Variants in SATB2 observed in about 807,000 individuals in gnomAD.
SATB2 encodes the protein DNA-binding protein SATB2.
Under a neutral mutation model 73.4 loss-of-function variants are expected in SATB2, and 1 was observed. The observed-to-expected ratio is 0.01, with a 90% CI of 0.00 to 0.06. SATB2 has a LOEUF of 0.06. Ranked by LOEUF, SATB2 falls within the 10% of genes least tolerant of loss-of-function variation. SATB2 has a pLI of 1.00. For missense variants in SATB2, 459 were observed against 945.8 expected (o/e 0.49, Z 6.75); for synonymous variants, 397 against 367.0 (o/e 1.08, Z -0.93).
intron 10 of SATB2, among the ~76,000 whole-genome samples, chr2:199,295,554 A>C (rs1446637): frequency 0.13 from 20,100 of 152,152 alleles, 1,534 homozygotes; most frequent in South Asian, 0.32. Flanking sequence ...TGGCTTCTGC[A>C]AGCCAGAGTA....
chr2:199,416,368 G>A (rs79670270), intron 3 of SATB2, among the ~76,000 whole-genome samples: 6,511 of 152,144 alleles, frequency 0.043, 193 homozygotes, highest in Middle Eastern at 0.095. Flanking sequence ...ATTTACCTTC[G>A]TAATTACACT....
At chr2:199,431,620 A>G (rs1359075785) in intron 3 of SATB2, among the ~76,000 whole-genome samples, 1 of 152,160 alleles carries the variant, frequency 6.6e-6, no homozygotes, top group East Asian at 1.9e-4. Flanking sequence ...GATGACATTT[A>G]TTTGCTCATA....
intron 10 of SATB2, among the ~76,000 whole-genome samples, chr2:199,306,701 C>T (rs1324876998): frequency 6.6e-6 from 1 of 151,976 alleles, no homozygotes; most frequent in East Asian, 1.9e-4. Flanking sequence ...CTCAAACTGG[C>T]CAACTATAAG....
intron 5 of SATB2, among the ~76,000 whole-genome samples, chr2:199,376,925 T>C (rs1490060718): frequency 3.3e-5 from 5 of 152,124 alleles, no homozygotes; most frequent in Non-Finnish European, 5.9e-5. Context: ...AGCAAGCAAG[T>C]GTCAAACTGA....
At chr2:199,342,420 A>G (rs1353816593) in intron 7 of SATB2, among the ~76,000 whole-genome samples, 2 of 149,320 alleles carry the variant, frequency 1.3e-5, no homozygotes, top group Admixed American at 6.7e-5. Context: ...CTTTCAAAAG[A>G]CTAGCTAAAA....
At position 199,348,789 on chromosome 2, in the gene SATB2, G is replaced by A; in HGVS notation, c.1085C>T (p.Pro362Leu). The change falls in exon 7 of 11, where the codon CCA becomes CTA. Residue 362 changes from proline (P) to leucine (L), a missense_variant. Pro to Leu is a moderately conservative substitution (Grantham distance 98). Coordinates refer to ENST00000417098, the MANE Select transcript of SATB2 (RefSeq NM_001172509.2). The part of the protein sequence containing the change: ...EPTNSSVEVS[P>L]DIYQQVRDEL... ...ATCTCTGACTTGCTGGTAGATATCT[G>A]GAGAGACTTCCACGGAAGAGTTGGT... 1.2e-6 allele frequency: 2 copies of A among 1,610,854 alleles called. No individual in the cohort carries two copies. Among genetic ancestry groups the A allele is most frequent in the Non-Finnish European group, 1.7e-6 (2 of 1,177,550 alleles).
At chr2:199,437,941 C>A (rs1437742660) in intron 2 of SATB2, among the ~76,000 whole-genome samples, 2 of 152,078 alleles carry the variant, frequency 1.3e-5, no homozygotes, top group East Asian at 3.9e-4. Context: ...GTTTAACATG[C>A]CCCATGGCAA....
chr2:199,428,458 C>A (rs1260049126), intron 3 of SATB2, among the ~76,000 whole-genome samples: 1 of 152,162 alleles, frequency 6.6e-6, no homozygotes, highest in African/African-American at 2.4e-5. Flanking sequence ...CAAGTGCTGG[C>A]AATCAAACTG....
At chr2:199,281,233 C>CA (rs1197027648) in intron 10 of SATB2, among the ~76,000 whole-genome samples, 1,889 of 119,752 alleles carry the variant, frequency 0.016, 23 homozygotes, top group African/African-American at 0.051. Context: ...GACCCTGTCT[C>CA]AAAAAAAAAA....
chr2:199,393,905 C>A (rs1324671090), intron 3 of SATB2, among the ~76,000 whole-genome samples: 1 of 152,110 alleles, frequency 6.6e-6, no homozygotes, highest in Non-Finnish European at 1.5e-5. Flanking sequence ...AAATATGGCT[C>A]AATCAGGTTT....
chr2:199,343,590 T>C (rs1379189703), intron 7 of SATB2, among the ~76,000 whole-genome samples: 5 of 152,242 alleles, frequency 3.3e-5, no homozygotes, highest in Non-Finnish European at 5.9e-5. Flanking sequence ...ATCTGCCTGC[T>C]GACCTCCTGC....
At chr2:199,277,030 T>A (rs79493822) in intron 10 of SATB2, among the ~76,000 whole-genome samples, 2,791 of 152,264 alleles carry the variant, frequency 0.018, 93 homozygotes, top group African/African-American at 0.064. Context: ...ACAGACTTAC[T>A]GTCGAGTGAA....
At chr2:199,298,272 T>G (rs1687176862) in intron 10 of SATB2, among the ~76,000 whole-genome samples, 1 of 152,184 alleles carries the variant, frequency 6.6e-6, no homozygotes, top group South Asian at 2.1e-4. Context: ...TTAAGCAGCC[T>G]CTACAACGTC....
intron 7 of SATB2, among the ~76,000 whole-genome samples, chr2:199,331,270 T>A (rs1488748649): frequency 6.6e-6 from 1 of 151,804 alleles, no homozygotes; most frequent in Non-Finnish European, 1.5e-5. Flanking sequence ...ATTTTTTACA[T>A]ACTGGAAAAC....
intron 7 of SATB2, among the ~76,000 whole-genome samples, chr2:199,331,332 G>C (rs1419413211): frequency 1.3e-5 from 2 of 151,494 alleles, no homozygotes; most frequent in Non-Finnish European, 2.9e-5. Context: ...AAGTATCCTT[G>C]AGAATGACTG....
At chr2:199,450,665 T>C (rs1692097568) in intron 2 of SATB2, among the ~76,000 whole-genome samples, 1 of 152,098 alleles carries the variant, frequency 6.6e-6, no homozygotes, top group Admixed American at 6.6e-5. Flanking sequence ...TTGGAATTCA[T>C]CTAGCCCTGT....
chr2:199,360,016 G>A (rs78126116), intron 6 of SATB2, among the ~76,000 whole-genome samples: 90 of 152,298 alleles, frequency 5.9e-4, no homozygotes, highest in African/African-American at 2.0e-3. Context: ...TTCAGTCCTA[G>A]TATCTTACAT....
chr2:199,331,690 A>T (rs1022039828), intron 7 of SATB2, among the ~76,000 whole-genome samples: 25 of 152,178 alleles, frequency 1.6e-4, no homozygotes, highest in African/African-American at 4.3e-4. Flanking sequence ...GGGATTTTTT[A>T]AAAATGTAGT....
upstream of SATB2, chr2:199,470,056 T>G (rs1003220303): frequency 6.6e-6 from 1 of 152,384 alleles, no homozygotes; most frequent in African/African-American, 2.4e-5. Flanking sequence ...CCCCCTTCCT[T>G]CACTCCCTAG....
Sources: gnomAD v4.1 joint callset for allele counts (sites outside exome capture counted in the v4.1 genomes callset) on GRCh38, gnomAD v4.1.1 for gene constraint, MANE v1.5 for transcripts, NCBI Gene and HGNC (gene_info 2026-07-23, HGNC 2026-07-21) for gene names.